The following KLHL1 variants were observed in gnomAD, a reference collection of about 807,000 sequenced individuals.
KLHL1 encodes kelch like family member 1.
Under a neutral mutation model 77.7 loss-of-function variants are expected in KLHL1, and 47 were observed. The observed-to-expected ratio is 0.60, with a 90% CI of 0.48 to 0.77. KLHL1 has a LOEUF of 0.77. Ranked by LOEUF, KLHL1 falls within the 30% of genes least tolerant of loss-of-function variation. The pLI, the probability that KLHL1 is intolerant of heterozygous loss-of-function variation, is 0.00. For synonymous variants in KLHL1, 360 were observed against 325.2 expected, an observed-to-expected ratio of 1.11 and a Z score of -1.15; for missense variants, 925 against 910.8, an observed-to-expected ratio of 1.02 and a Z score of -0.20.
chr13:69,748,658 A>G (rs940730556), intron 7 of KLHL1, among the ~76,000 whole-genome samples: 1 of 152,010 alleles, frequency 6.6e-6, no homozygotes, highest in African/African-American at 2.4e-5. Context: ...TAGTATCCTC[A>G]TCTTTAAAGA....
At chr13:69,902,667 A>T (rs918838854) in intron 4 of KLHL1, among the ~76,000 whole-genome samples, 2 of 151,326 alleles carry the variant, frequency 1.3e-5, no homozygotes, top group Middle Eastern at 3.4e-3. Context: ...CAAAAACCAA[A>T]CACCACATGT....
intron 2 of KLHL1, among the ~76,000 whole-genome samples, chr13:69,975,246 T>C (rs972584938): frequency 1.3e-5 from 2 of 152,084 alleles, no homozygotes; most frequent in Admixed American, 6.6e-5. Flanking sequence ...ATAGCATATT[T>C]CATTTCAGAT....
intron 1 of KLHL1, among the ~76,000 whole-genome samples, chr13:70,041,963 T>C (rs559670786): frequency 2.0e-5 from 3 of 149,366 alleles, no homozygotes; most frequent in East Asian, 1.9e-4. Context: ...CTTATTTCTT[T>C]GTTTGTTTCC....
chr13:69,849,857 T>A (rs3012105), intron 5 of KLHL1, among the ~76,000 whole-genome samples: 1 of 151,306 alleles, frequency 6.6e-6, no homozygotes, highest in Non-Finnish European at 1.5e-5. Flanking sequence ...TTTAAATAAT[T>A]TATTCATTAC....
chr13:69,902,464 T>C (rs1447398454), intron 4 of KLHL1, among the ~76,000 whole-genome samples: 2 of 152,282 alleles, frequency 1.3e-5, no homozygotes, highest in African/African-American at 4.8e-5. Flanking sequence ...TGTAACATTT[T>C]AAAGGGTAAA....
At chr13:69,985,707 C>A (rs905220633) in intron 1 of KLHL1, among the ~76,000 whole-genome samples, 6 of 148,996 alleles carry the variant, frequency 4.0e-5, no homozygotes, top group Middle Eastern at 3.5e-3. Flanking sequence ...GCACTATTAA[C>A]AATAGACAAA....
At chr13:70,036,672 T>C (rs547870538) in intron 1 of KLHL1, among the ~76,000 whole-genome samples, 218 of 152,042 alleles carry the variant, frequency 1.4e-3, no homozygotes, top group African/African-American at 4.6e-3. Flanking sequence ...CAGTAGATTG[T>C]TCATTTTCAA....
At chr13:69,778,348 T>G (rs1403003349) in intron 7 of KLHL1, among the ~76,000 whole-genome samples, 1 of 152,180 alleles carries the variant, frequency 6.6e-6, no homozygotes, top group Admixed American at 6.5e-5. Flanking sequence ...AGAAAACTGT[T>G]AGTATTCCAA....
At position 69,847,404 on chromosome 13, in the gene KLHL1, C is replaced by CAA. The variant is rs11357077; in HGVS notation, c.1228-8244_1228-8243dup. On this transcript the variant is annotated intron_variant, in intron 5 of 10. Transcript: ENST00000377844. Reference sequence around the variant, plus strand: ...TTAAGTTAGAGTAATACTGCATTAGCAAAAAAAAAAAAAAAAAAAAAAACA... The same window carrying CAA: ...TTAAGTTAGAGTAATACTGCATTAGCAAAAAAAAAAAAAAAAAAAAAAAAACA... Among the ~76,000 whole-genome samples, 26 of 145,930 alleles carry CAA rather than the reference C, an allele frequency of 1.8e-4. 1 individual carries two copies. Among genetic ancestry groups the CAA allele is most frequent in the African/African-American group, 6.2e-4 (24 of 38,680 alleles).
chr13:69,808,552 A>T (rs1051496150), intron 6 of KLHL1, among the ~76,000 whole-genome samples: 2 of 64,722 alleles, frequency 3.1e-5, no homozygotes, highest in African/African-American at 1.3e-4. Context: ...AAAACAGAAT[A>T]AAAAAATCAA....
intron 4 of KLHL1, 144 bp downstream of exon 4, chr13:69,939,896 C>T (rs566702355): frequency 3.8e-5 from 19 of 504,244 alleles, no homozygotes; most frequent in Non-Finnish European, 5.5e-5. Context: ...CATTATGGTA[C>T]GCTATAGTTC....
chr13:69,893,461 C>T (rs1881508526), intron 4 of KLHL1, among the ~76,000 whole-genome samples: 2 of 152,028 alleles, frequency 1.3e-5, no homozygotes, highest in South Asian at 4.1e-4. Context: ...GTCTTGATCT[C>T]CTGACCTCAT....
intron 6 of KLHL1, among the ~76,000 whole-genome samples, chr13:69,830,605 G>A (rs1017726292): frequency 6.7e-6 from 1 of 150,098 alleles, no homozygotes; most frequent in African/African-American, 2.5e-5. Flanking sequence ...GGACTTAACA[G>A]ATATTTAGAG....
At chr13:69,753,631 A>C (rs1874580716) in intron 7 of KLHL1, among the ~76,000 whole-genome samples, 1 of 152,118 alleles carries the variant, frequency 6.6e-6, no homozygotes, top group African/African-American at 2.4e-5. Flanking sequence ...TCCACAACAG[A>C]AATTGAGTTT....
intron 1 of KLHL1, among the ~76,000 whole-genome samples, chr13:70,063,194 A>G (rs2033986): frequency 2.2e-4 from 33 of 152,222 alleles, no homozygotes; most frequent in African/African-American, 7.9e-4. Context: ...TAAGTAGACT[A>G]TGCTAGGTGA....
At chr13:70,054,405 C>T (rs1485053838) in intron 1 of KLHL1, among the ~76,000 whole-genome samples, 1 of 152,056 alleles carries the variant, frequency 6.6e-6, no homozygotes, top group African/African-American at 2.4e-5. Flanking sequence ...GAGATTCATC[C>T]TCTGCATGTA....
At chr13:69,967,893 A>C (rs904084711) in intron 2 of KLHL1, among the ~76,000 whole-genome samples, 1 of 152,136 alleles carries the variant, frequency 6.6e-6, no homozygotes, top group South Asian at 2.1e-4. Context: ...ATCAAAAAAA[A>C]AAAAAAAGAA....
chr13:69,759,770 C>G (rs906551557), intron 7 of KLHL1, among the ~76,000 whole-genome samples: 2 of 152,148 alleles, frequency 1.3e-5, no homozygotes, highest in East Asian at 3.9e-4. Context: ...CTCAAAACCT[C>G]AGAGCTGAGA....
At chr13:69,749,283 C>G (rs1167197834) in intron 7 of KLHL1, among the ~76,000 whole-genome samples, 1 of 151,742 alleles carries the variant, frequency 6.6e-6, no homozygotes, top group Non-Finnish European at 1.5e-5. Flanking sequence ...TGTTCAGTAT[C>G]AATATTAAAA....
Sources: allele counts gnomAD v4.1 joint callset (sites outside exome capture counted in the v4.1 genomes callset), GRCh38; gene constraint gnomAD v4.1.1; transcripts MANE v1.5; gene names NCBI Gene and HGNC (gene_info 2026-07-23, HGNC 2026-07-21).